The following PHF21A variants were observed in gnomAD, a reference collection of about 807,000 sequenced individuals.
PHF21A encodes the protein BHC80a.
PHF21A carries 11 observed loss-of-function variants against 82.5 expected under a neutral mutation model. The observed-to-expected ratio is 0.13, with a 90% CI of 0.08 to 0.22. The LOEUF (loss-of-function observed/expected upper bound fraction) is 0.22. PHF21A is among the 10% of genes least tolerant of loss of function. The pLI is 1.00. For synonymous variants in PHF21A, 297 were observed against 302.8 expected (o/e 0.98, Z 0.20); for missense variants, 579 against 837.8 (o/e 0.69, Z 3.81).
Position 46,054,737 on chromosome 11 carries a change from C to T in PHF21A, c.153+22017G>A, listed in dbSNP as rs989826674. On this transcript the variant is annotated intron_variant, in intron 6 of 18. Transcript: ENST00000676320. ...TCCTTAAGAAGAGAAGCTTTTTCAG[C>T]CTTGTTCATCACTGAGGCTGAGTGG... Among the ~76,000 whole-genome samples the T allele has an allele frequency of 7.2e-5, 11 of 152,260 alleles. No individual in the cohort carries two copies. In the South Asian group the frequency reaches 1.0e-3, roughly 14 times the overall value.
At chr11:45,946,680 T>C (rs1052730064) in intron 14 of PHF21A, among the ~76,000 whole-genome samples, 3 of 152,192 alleles carry the variant, frequency 2.0e-5, no homozygotes, top group African/African-American at 7.2e-5. Flanking sequence ...TGGCCGAATT[T>C]ATTATTTTTT....
intron 6 of PHF21A, among the ~76,000 whole-genome samples, chr11:46,009,663 A>T (rs2095371894): frequency 6.6e-6 from 1 of 152,222 alleles, no homozygotes; most frequent in South Asian, 2.1e-4. Context: ...ACTTTCCAAC[A>T]TTCCAAAAGT....
intron 15 of PHF21A, among the ~76,000 whole-genome samples, chr11:45,944,455 T>A (rs1007703532): frequency 6.6e-6 from 1 of 152,140 alleles, no homozygotes; most frequent in Non-Finnish European, 1.5e-5. Context: ...ACCGAAAAAT[T>A]ATGTCACTCC....
intron 6 of PHF21A, among the ~76,000 whole-genome samples, chr11:46,045,044 G>T (rs918462585): frequency 3.1e-4 from 47 of 152,120 alleles, no homozygotes; most frequent in African/African-American, 1.1e-3. Flanking sequence ...CACTTTTTAT[G>T]AAAAGTGTTA....
intron 1 of PHF21A, among the ~76,000 whole-genome samples, chr11:46,118,433 A>G (rs1412909809): frequency 2.0e-5 from 3 of 151,844 alleles, no homozygotes; most frequent in African/African-American, 7.2e-5. Flanking sequence ...AAAAAAAAAA[A>G]AAGCCCCTGG....
chr11:46,111,996 T>C (rs1374910289), intron 1 of PHF21A, among the ~76,000 whole-genome samples: 4 of 152,216 alleles, frequency 2.6e-5, no homozygotes, highest in African/African-American at 9.6e-5. Flanking sequence ...TCAACTAGTT[T>C]GGATATTCTA....
chr11:46,044,946 T>C (rs1380569127), intron 6 of PHF21A, among the ~76,000 whole-genome samples: 1 of 152,224 alleles, frequency 6.6e-6, no homozygotes, highest in Non-Finnish European at 1.5e-5. Flanking sequence ...GCAAGTCTAG[T>C]TCTAGGCAAG....
intron 6 of PHF21A, among the ~76,000 whole-genome samples, chr11:46,040,375 AATAAAAGTTTTTTTT>A (rs2096106131): frequency 6.6e-6 from 1 of 152,218 alleles, no homozygotes; most frequent in Admixed American, 6.5e-5. Flanking sequence ...TGGCACAGAC[AATAAAAGTTTTTTTT>A]AGCATTCTTT....
intron 6 of PHF21A, among the ~76,000 whole-genome samples, chr11:46,071,475 C>T (rs1468499770): frequency 1.3e-5 from 2 of 152,152 alleles, no homozygotes; most frequent in Non-Finnish European, 2.9e-5. Context: ...AATAATATGG[C>T]ACATTATTAA....
chr11:45,971,822 C>G (rs2093761252), intron 7 of PHF21A, among the ~76,000 whole-genome samples: 1 of 149,692 alleles, frequency 6.7e-6, no homozygotes, highest in African/African-American at 2.5e-5. Context: ...AGAAAGCCAC[C>G]ATACAGTTCT....
intron 1 of PHF21A, among the ~76,000 whole-genome samples, chr11:46,111,985 A>G (rs999929091): frequency 2.6e-5 from 4 of 152,322 alleles, no homozygotes; most frequent in Middle Eastern, 6.8e-3. Flanking sequence ...ATTTTCCTTA[A>G]TCAACTAGTT....
chr11:45,974,655 A>G (rs757558015), intron 7 of PHF21A, among the ~76,000 whole-genome samples: 6 of 151,814 alleles, frequency 4.0e-5, no homozygotes, highest in Non-Finnish European at 7.4e-5. Context: ...TGATCTCGCT[A>G]TGTTGCCCAG....
At chr11:45,971,721 T>C (rs2093757147) in intron 7 of PHF21A, among the ~76,000 whole-genome samples, 1 of 151,986 alleles carries the variant, frequency 6.6e-6, no homozygotes, top group African/African-American at 2.4e-5. Context: ...AGTTCTTTGC[T>C]TGCTGTCAAT....
chr11:46,087,263 A>T (rs1221258107), intron 3 of PHF21A, among the ~76,000 whole-genome samples: 1 of 152,228 alleles, frequency 6.6e-6, no homozygotes, highest in Non-Finnish European at 1.5e-5. Flanking sequence ...TGCTCAGGAA[A>T]AGAAAAAGTT....
intron 3 of PHF21A, among the ~76,000 whole-genome samples, chr11:46,086,895 TA>T (rs1331290981): frequency 6.6e-6 from 1 of 152,096 alleles, no homozygotes; most frequent in African/African-American, 2.4e-5. Flanking sequence ...CAAAAATTGA[TA>T]ACAAAAATCT....
At chr11:45,953,994 T>G (rs955764595) in intron 10 of PHF21A, among the ~76,000 whole-genome samples, 1 of 152,180 alleles carries the variant, frequency 6.6e-6, no homozygotes, top group Non-Finnish European at 1.5e-5. Context: ...CCTGCTATTT[T>G]TTGTTGTTGT....
At chr11:46,111,873 A>T (rs1477378040) in intron 1 of PHF21A, among the ~76,000 whole-genome samples, 4 of 152,198 alleles carry the variant, frequency 2.6e-5, no homozygotes, top group Non-Finnish European at 5.9e-5. Context: ...CAATCCTGTA[A>T]CACTGTGAAC....
chr11:46,021,074 A>AG (rs1555104644), intron 6 of PHF21A, among the ~76,000 whole-genome samples: 91 of 151,502 alleles, frequency 6.0e-4, no homozygotes, highest in Middle Eastern at 3.4e-3. Context: ...AAAAAAAAAA[A>AG]AGAGAGACAA....
In PHF21A at chr11:45,965,507, G is replaced by A. The variant is rs894774846; in HGVS notation, c.804C>T (p.Thr268=). 6.2e-7 allele frequency: 1 copy of A among 1,612,760 alleles called. No homozygotes were observed. The highest frequency in any genetic ancestry group is 1.1e-5 in the South Asian group (1 of 90,732). Residue 268 remains threonine (T), a synonymous_variant, in exon 10 of 19, where the codon ACC becomes ACT. Coordinates refer to ENST00000676320, the MANE Select transcript of PHF21A (RefSeq NM_001352027.3). ...TGGGAAGGGTTGTGGGGGTGAACTT[G>A]GTCAGCATGACGGGCCTCTGGATAA... The part of the protein sequence containing the change: ...PQLIQRPVML[T]KFTPTTLPTS...
Sources: gnomAD v4.1 joint callset for allele counts (sites outside exome capture counted in the v4.1 genomes callset) on GRCh38, gnomAD v4.1.1 for gene constraint, MANE v1.5 for transcripts, NCBI Gene and HGNC (gene_info 2026-07-23, HGNC 2026-07-21) for gene names.